FZD9: variants seen among roughly 807,000 people sequenced by gnomAD.
FZD9 encodes frizzled-9.
FZD9 carries 29 observed loss-of-function variants against 29.9 expected under a neutral mutation model. The observed-to-expected ratio is 0.97, with a 90% CI of 0.72 to 1.32. The LOEUF is 1.32. Among genes scored for constraint, FZD9 ranks in the 40% most tolerant of loss-of-function variants. FZD9 has a pLI of 0.00. For synonymous variants in FZD9, 384 were observed against 393.9 expected, an observed-to-expected ratio of 0.97 and a Z score of 0.30; for missense variants, 822 against 857.8, an observed-to-expected ratio of 0.96 and a Z score of 0.52.
chr7:73,435,284 A>G lies in FZD9; in HGVS notation c.1277A>G (p.His426Arg). 6.2e-7 allele frequency: 1 copy of G among 1,613,796 alleles called. No homozygotes were observed. Among genetic ancestry groups the G allele is most frequent in the Non-Finnish European group, 8.5e-7 (1 of 1,179,916 alleles). Residue 426 changes from histidine to arginine, a missense_variant, in exon 1 of 1, where the codon CAC becomes CGC. His to Arg is a conservative substitution (Grantham distance 29). Coordinates refer to ENST00000344575, the MANE Select transcript of FZD9 (RefSeq NM_003508.3). ...FLLTGFVALF[H>R]IRKIMKTGGT... ...CTGACCGGCTTCGTGGCCCTCTTCC[A>G]CATCCGCAAGATCATGAAGACGGGC... is the stretch of plus-strand genomic sequence containing the variant.
Position 73,434,858 on chromosome 7 carries a change from G to A in FZD9, c.851G>A (p.Arg284His). The A allele has an allele frequency of 3.7e-6, 6 of 1,613,402 alleles. No individual in the cohort carries two copies. The highest frequency in any genetic ancestry group is 3.4e-6 in the Non-Finnish European group (4 of 1,180,004). The stretch of plus-strand genomic sequence containing the variant: ...GTCTACTCGCTGGCCTTCCTGATCC[G>A]TGCGGTGGCCGGAGCGCAGAGCGTG... The part of the protein sequence containing the change: ...YNVYSLAFLI[R>H]AVAGAQSVAC... Residue 284 changes from arginine (R) to histidine (H), a missense_variant, in exon 1 of 1, where the codon CGT becomes CAT. Coordinates refer to ENST00000344575, the MANE Select transcript of FZD9 (RefSeq NM_003508.3).
In FZD9 at chr7:73,434,869, GGAGCGCA is replaced by G; in HGVS notation, c.868_874del (p.Gln290TrpfsTer12). 1 of 1,613,536 alleles carries G rather than the reference GGAGCGCA, an allele frequency of 6.2e-7. No homozygotes were observed. The highest frequency in any genetic ancestry group is 8.5e-7 in the Non-Finnish European group (1 of 1,180,010). ...GGCCTTCCTGATCCGTGCGGTGGCC[GGAGCGCA>G]GAGCGTGGCCTGTGACCAGGAGGCG... On this transcript the variant is annotated frameshift_variant, in exon 1 of 1. Transcript: ENST00000344575. LOFTEE classifies it high-confidence loss of function.
rs1370707063 is a variant in FZD9 at position 73,433,919 on chromosome 7, G to A, written c.-89G>A. 7.8e-6 allele frequency: 8 copies of A among 1,029,398 alleles called. No homozygotes were observed. The East Asian group carries it at 5.8e-4, about 74-fold the overall frequency. 63.8% of individuals were successfully genotyped at this position (1,029,398 alleles called of 1,614,324 possible). On this transcript the variant is annotated 5_prime_UTR_variant, in exon 1 of 1. Transcript: ENST00000344575. ...GCGGCTCAGCGATGGCCCGCGCCCC[G>A]CGACGTGGCGGGCAGGCACCGGGGC...
Position 73,434,321 on chromosome 7 carries a change from C to T in FZD9, c.314C>T (p.Ser105Leu). The change falls in exon 1 of 1, where the codon TCG becomes TTG. Residue 105 changes from serine (S) to leucine (L), a missense_variant. By Grantham distance (145) the Ser-to-Leu change is moderately radical. Transcript: ENST00000344575. ...GCGCCCATGTGCACCGACCAGGTCT[C>T]GACGCCCATTCCCGCCTGCCGGCCC... ...LYAPMCTDQV[S>L]TPIPACRPMC... 3 of 1,585,328 alleles carry T rather than the reference C, an allele frequency of 1.9e-6. No homozygotes were observed. The highest frequency in any genetic ancestry group is 2.6e-6 in the Non-Finnish European group (3 of 1,172,956).
In FZD9 at chr7:73,434,421, C is replaced by G; in HGVS notation, c.414C>G (p.Asp138Glu). 1 of 1,560,010 alleles carries G rather than the reference C, an allele frequency of 6.4e-7. No individual in the cohort carries two copies. Among genetic ancestry groups the G allele is most frequent in the Non-Finnish European group, 8.6e-7 (1 of 1,162,024 alleles). Residue 138 changes from aspartate (D) to glutamate (E), a missense_variant, in exon 1 of 1, where the codon GAC (aspartate) becomes GAG (glutamate). By Grantham distance (45) the Asp-to-Glu change is conservative. Coordinates refer to ENST00000344575, the MANE Select transcript of FZD9 (RefSeq NM_003508.3). ...QFNFGWPDSL[D>E]CARLPTRNDP... ...ACTTCGGCTGGCCGGACTCGCTCGACTGCGCCCGGCTGCCCACGCGCAACG... is the reference window on the plus strand; with the variant it reads ...ACTTCGGCTGGCCGGACTCGCTCGAGTGCGCCCGGCTGCCCACGCGCAACG...
At position 73,434,842 on chromosome 7, in the gene FZD9, C is replaced by G; in HGVS notation, c.835C>G (p.Leu279Val). Reference protein sequence around the residue: ...FLSMCYNVYSLAFLIRAVAGA... With the variant: ...FLSMCYNVYSVAFLIRAVAGA... ...CTCCATGTGCTACAACGTCTACTCG[C>G]TGGCCTTCCTGATCCGTGCGGTGGC... Residue 279 changes from leucine to valine, a missense_variant, in exon 1 of 1, where the codon CTG becomes GTG. Leu to Val is a conservative substitution (Grantham distance 32). Coordinates refer to ENST00000344575, the MANE Select transcript of FZD9 (RefSeq NM_003508.3). 1 of 1,613,504 alleles carries G rather than the reference C, an allele frequency of 6.2e-7. No individual in the cohort carries two copies. Among genetic ancestry groups the G allele is most frequent in the Admixed American group, 1.7e-5 (1 of 60,032 alleles).
At position 73,434,006 on chromosome 7, in the gene FZD9, G is replaced by A; in HGVS notation, c.-2G>A. Reference sequence around the variant, plus strand: ...TCCCGCCTTCGGCCCGGGCCTCCCGGGATGGCCGTGGCGCCTCTGCGGGGG... The same window carrying A: ...TCCCGCCTTCGGCCCGGGCCTCCCGAGATGGCCGTGGCGCCTCTGCGGGGG... On this transcript the variant is annotated 5_prime_UTR_variant, in exon 1 of 1. Coordinates refer to ENST00000344575, the MANE Select transcript of FZD9 (RefSeq NM_003508.3). The A allele has an allele frequency of 8.2e-7, 1 of 1,213,638 alleles. No individual in the cohort carries two copies. Among genetic ancestry groups the A allele is most frequent in the Non-Finnish European group, 1.0e-6 (1 of 976,840 alleles). The allele number at this position is 1,213,638 out of a possible 1,614,324, so 75.2% of individuals were successfully genotyped here.
rs1787341741 is a variant in FZD9 at position 73,433,929 on chromosome 7, G to A, written c.-79G>A. ...GATGGCCCGCGCCCCGCGACGTGGC[G>A]GGCAGGCACCGGGGCGCGGGACCGC... On this transcript the variant is annotated 5_prime_UTR_variant, in exon 1 of 1. Transcript: ENST00000344575. 7 of 1,072,598 alleles carry A rather than the reference G, an allele frequency of 6.5e-6. No individual in the cohort carries two copies. The highest frequency in any genetic ancestry group is 5.2e-5 in the Admixed American group (1 of 19,360). The allele number at this position is 1,072,598 out of a possible 1,614,324, so 66.4% of individuals were successfully genotyped here. A position where few individuals can be genotyped will look rare whatever the true frequency, so the allele number is the denominator to read the frequency against.
At position 73,435,600 on chromosome 7, in the gene FZD9, C is replaced by T. The variant is rs781922813; in HGVS notation, c.1593C>T (p.Ser531=). The T allele has an allele frequency of 6.2e-7, 1 of 1,613,228 alleles. No homozygotes were observed. The highest frequency in any genetic ancestry group is 1.1e-5 in the South Asian group (1 of 91,084). ...GITSGVWVWS[S]KTFQTWQSLC... The stretch of plus-strand genomic sequence containing the variant: ...CCAGCGGCGTCTGGGTGTGGAGCTC[C>T]AAGACTTTCCAGACCTGGCAGAGCC... The change falls in exon 1 of 1, where the codon TCC becomes TCT. Residue 531 remains serine, a synonymous_variant. Coordinates refer to ENST00000344575, the MANE Select transcript of FZD9 (RefSeq NM_003508.3).
rs1563354634 is a variant in FZD9 at position 73,434,870 on chromosome 7, G to A, written c.863G>A (p.Gly288Glu). The A allele has an allele frequency of 3.1e-6, 5 of 1,613,556 alleles. No homozygotes were observed. Among genetic ancestry groups the A allele is most frequent in the Non-Finnish European group, 3.4e-6 (4 of 1,180,008 alleles). The change falls in exon 1 of 1, where the codon GGA (glycine) becomes GAA (glutamate). Residue 288 changes from glycine (G) to glutamate (E), a missense_variant. Transcript: ENST00000344575. The stretch of plus-strand genomic sequence containing the variant: ...GCCTTCCTGATCCGTGCGGTGGCCG[G>A]AGCGCAGAGCGTGGCCTGTGACCAG... ...SLAFLIRAVA[G>E]AQSVACDQEA...
At position 73,434,060 on chromosome 7, in the gene FZD9, C is replaced by A; in HGVS notation, c.53C>A (p.Ala18Glu). ...GALLLWQLLA[A>E]GGAALEIGRF... ...CTGCTGCTGTGGCAGCTGCTGGCGG[C>A]GGGCGGCGCGGCACTGGAGATCGGC... is the stretch of plus-strand genomic sequence containing the variant. The change falls in exon 1 of 1, where the codon GCG (alanine) becomes GAG (glutamate). Residue 18 changes from alanine (A) to glutamate (E), a missense_variant. Physicochemically the swap from Ala to Glu is moderately radical, Grantham distance 107. Transcript: ENST00000344575. 7.9e-7 allele frequency: 1 copy of A among 1,269,892 alleles called. No homozygotes were observed. 78.7% of individuals were successfully genotyped at this position (1,269,892 alleles called of 1,614,324 possible).
Position 73,434,856 on chromosome 7 carries a change from C to A in FZD9, c.849C>A (p.Ile283=), listed in dbSNP as rs1264823996. 1 of 1,613,394 alleles carries A rather than the reference C, an allele frequency of 6.2e-7. No homozygotes were observed. Among genetic ancestry groups the A allele is most frequent in the Non-Finnish European group, 8.5e-7 (1 of 1,180,008 alleles). ...CYNVYSLAFL[I]RAVAGAQSVA... Reference sequence around the variant, plus strand: ...ACGTCTACTCGCTGGCCTTCCTGATCCGTGCGGTGGCCGGAGCGCAGAGCG... The same window carrying A: ...ACGTCTACTCGCTGGCCTTCCTGATACGTGCGGTGGCCGGAGCGCAGAGCG... Residue 283 remains isoleucine, a synonymous_variant, in exon 1 of 1, where the codon ATC becomes ATA. Transcript: ENST00000344575.
chr7:73,434,270 T>G lies in FZD9; in HGVS notation c.263T>G (p.Leu88Arg), dbSNP rs1787352728. ...PLVQYGCHSH[L>R]RFFLCSLYAP... The stretch of plus-strand genomic sequence containing the variant: ...GTGCAGTACGGCTGCCACAGCCACC[T>G]GCGCTTCTTCCTGTGCTCGCTCTAC... The change falls in exon 1 of 1, where the codon CTG (leucine) becomes CGG (arginine). Residue 88 changes from leucine to arginine, a missense_variant. Transcript: ENST00000344575. The G allele has an allele frequency of 6.3e-7, 1 of 1,588,180 alleles. No homozygotes were observed. The highest frequency in any genetic ancestry group is 8.5e-7 in the Non-Finnish European group (1 of 1,174,026).
chr7:73,433,965 T>G lies in FZD9; in HGVS notation c.-43T>G. On this transcript the variant is annotated 5_prime_UTR_variant, in exon 1 of 1. The change abolishes the stop of an existing upstream ORF in the 5' untranslated region. Coordinates refer to ENST00000344575, the MANE Select transcript of FZD9 (RefSeq NM_003508.3). The stretch of plus-strand genomic sequence containing the variant: ...GGGGCGCGGGACCGCTGAGCCCGAG[T>G]GAGCCGGGGCCGCGCTCCCGCCTTC... 1 of 1,163,416 alleles carries G rather than the reference T, an allele frequency of 8.6e-7. No homozygotes were observed. The highest frequency in any genetic ancestry group is 1.1e-6 in the Non-Finnish European group (1 of 944,396). The allele number at this position is 1,163,416 out of a possible 1,614,324, so 72.1% of individuals were successfully genotyped here.
chr7:73,435,147 G>A lies in FZD9; in HGVS notation c.1140G>A (p.Ala380=), dbSNP rs1046610661. 14 of 1,612,256 alleles carry A rather than the reference G, an allele frequency of 8.7e-6. No homozygotes were observed. The highest frequency in any genetic ancestry group is 6.7e-5 in the East Asian group (3 of 44,862). ...TIVILTLRKV[A]GDELTGLCYV... ...TCATCCTGACCCTGCGCAAGGTGGC[G>A]GGTGATGAGCTGACTGGGCTTTGCT... The change falls in exon 1 of 1, where the codon GCG becomes GCA. Residue 380 remains alanine (A), a synonymous_variant. Transcript: ENST00000344575.
rs782393554 is a variant in FZD9, at chr7:73,435,480, C to T, written c.1473C>T (p.Pro491=). ...AGCCATGCGCAGCGGCCGCGGGGCC[C>T]GGAGGCCGGAGGGACTGCTCGCTGC... is the stretch of plus-strand genomic sequence containing the variant. The part of the protein sequence containing the change: ...TEQPCAAAAG[P]GGRRDCSLPG... Residue 491 remains proline (P), a synonymous_variant, in exon 1 of 1, where the codon CCC becomes CCT. Coordinates refer to ENST00000344575, the MANE Select transcript of FZD9 (RefSeq NM_003508.3). 5.6e-6 allele frequency: 9 copies of T among 1,612,680 alleles called. No homozygotes were observed. The Admixed American group carries it at 8.3e-5, about 15-fold the overall frequency.
Position 73,435,964 on chromosome 7 carries a change from C to T in FZD9, c.*181C>T, listed in dbSNP as rs1455869787. 2.6e-6 allele frequency: 2 copies of T among 756,040 alleles called. No individual in the cohort carries two copies. The highest frequency in any genetic ancestry group is 3.5e-5 in the African/African-American group (2 of 56,724). The allele number at this position is 756,040 out of a possible 1,614,324, so 46.8% of individuals were successfully genotyped here. A position where few individuals can be genotyped will look rare whatever the true frequency, so the allele number is the denominator to read the frequency against. ...GCTCATTAGGGGAGATGGGGGTCTCCCCTAATGCGGGGGCTGGACCAGGCT... is the reference window on the plus strand; with the variant it reads ...GCTCATTAGGGGAGATGGGGGTCTCTCCTAATGCGGGGGCTGGACCAGGCT... On this transcript the variant is annotated 3_prime_UTR_variant, in exon 1 of 1. Coordinates refer to ENST00000344575, the MANE Select transcript of FZD9 (RefSeq NM_003508.3).
chr7:73,435,769 C>T lies in FZD9; in HGVS notation c.1762C>T (p.Pro588Ser). 6.3e-7 allele frequency: 1 copy of T among 1,590,474 alleles called. No individual in the cohort carries two copies. The highest frequency in any genetic ancestry group is 8.6e-7 in the Non-Finnish European group (1 of 1,165,054). ...TAAGACGGACCCCTCTTTGGAGAAC[C>T]CCACACACCTCTAGCCACACAGGCC... is the stretch of plus-strand genomic sequence containing the variant. ...MTKTDPSLENPTHL is the reference protein window; with the variant it reads ...MTKTDPSLENSTHL Residue 588 changes from proline (P) to serine (S), a missense_variant, in exon 1 of 1, where the codon CCC becomes TCC. Pro to Ser is a moderately conservative substitution (Grantham distance 74). Transcript: ENST00000344575.
chr7:73,433,897 G>A lies in FZD9; in HGVS notation c.-111G>A, dbSNP rs1402760546. On this transcript the variant is annotated 5_prime_UTR_variant, in exon 1 of 1. Coordinates refer to ENST00000344575, the MANE Select transcript of FZD9 (RefSeq NM_003508.3). ...CAGGGCGCCCGGACACACGTGGGCGGCTCAGCGATGGCCCGCGCCCCGCGA... is the reference window on the plus strand; with the variant it reads ...CAGGGCGCCCGGACACACGTGGGCGACTCAGCGATGGCCCGCGCCCCGCGA... The A allele has an allele frequency of 3.5e-6, 3 of 865,452 alleles. No individual in the cohort carries two copies. Among genetic ancestry groups the A allele is most frequent in the East Asian group, 1.9e-4 (2 of 10,540 alleles). The allele number at this position is 865,452 out of a possible 1,614,324, so 53.6% of individuals were successfully genotyped here. A position where few individuals can be genotyped will look rare whatever the true frequency, so the allele number is the denominator to read the frequency against.
Sources: allele counts gnomAD v4.1 joint callset, GRCh38; gene constraint gnomAD v4.1.1; transcripts MANE v1.5; gene names NCBI Gene and HGNC (gene_info 2026-07-23, HGNC 2026-07-21).